Variants in PIK3R3 observed in about 807,000 individuals in gnomAD.
PIK3R3 encodes the protein phosphoinositide-3-kinase regulatory subunit 3.
A neutral mutation model predicts 62.9 loss-of-function variants in PIK3R3; 64 were observed. The ratio of observed to expected loss-of-function variants is 1.02; its 90% confidence interval spans 0.83 to 1.25. The LOEUF is 1.25. Ranked by LOEUF, PIK3R3 falls within the 50% of genes most tolerant of loss-of-function variation. The pLI, the probability that PIK3R3 is intolerant of heterozygous loss-of-function variation, is 0.00. For synonymous variants in PIK3R3, 165 were observed against 189.0 expected, an observed-to-expected ratio of 0.87 and a Z score of 1.04; for missense variants, 614 against 561.6, an observed-to-expected ratio of 1.09 and a Z score of -0.94.
At chr1:46,104,213 C>A (rs1652974244) in intron 1 of PIK3R3, among the ~76,000 whole-genome samples, 1 of 152,132 alleles carries the variant, frequency 6.6e-6, no homozygotes, top group Non-Finnish European at 1.5e-5. Context: ...CAGGCGTGAG[C>A]CACCACGCCT....
the PIK3R3 span, among the ~76,000 whole-genome samples, chr1:46,153,596 C>T: frequency 6.6e-6 from 1 of 152,222 alleles, no homozygotes; most frequent in Non-Finnish European, 1.5e-5. Context: ...ACCTGACTTC[C>T]TCCTCTCTTT....
At chr1:46,071,057 T>C (rs941719259) in intron 3 of PIK3R3, among the ~76,000 whole-genome samples, 4 of 152,318 alleles carry the variant, frequency 2.6e-5, no homozygotes, top group Non-Finnish European at 4.4e-5. Context: ...ACCAATGACT[T>C]TGAACAAATT....
intron 1 of PIK3R3, among the ~76,000 whole-genome samples, chr1:46,118,094 A>G (rs960582186): frequency 1.3e-5 from 2 of 152,208 alleles, no homozygotes; most frequent in African/African-American, 4.8e-5. Flanking sequence ...AAAAAAACCC[A>G]CACAGAAAAA....
chr1:46,145,123 CA>C, the PIK3R3 span, among the ~76,000 whole-genome samples: 1,084 of 78,556 alleles, frequency 0.014, 2 homozygotes, highest in African/African-American at 0.028. Context: ...AACTCCACCT[CA>C]AAAAAAAAAA....
At chr1:46,074,279 A>T (rs1312053033) in intron 3 of PIK3R3, among the ~76,000 whole-genome samples, 1 of 102,072 alleles carries the variant, frequency 9.8e-6, no homozygotes, top group African/African-American at 4.0e-5. Flanking sequence ...ACAGAGCTAG[A>T]CTCCGTCAAA....
rs114909183 is a variant in PIK3R3, at chr1:46,053,683, G to A, written c.941+2112C>T. 2.1e-3 allele frequency among the ~76,000 whole-genome samples: 323 copies of A among 152,164 alleles called. 1 individual carries two copies. Among genetic ancestry groups the A allele is most frequent in the Non-Finnish European group, 2.0e-3 (135 of 67,998 alleles). On this transcript the variant is annotated intron_variant, in intron 7 of 9. Transcript: ENST00000262741. ...TTGAGTTCGGACTTCCTAGCCTCTA[G>A]AACTGTGAGAAATTTCTGGTATTTA...
chr1:46,151,948 A>G, the PIK3R3 span, among the ~76,000 whole-genome samples: 2 of 152,202 alleles, frequency 1.3e-5, no homozygotes, highest in Non-Finnish European at 2.9e-5. Flanking sequence ...AGAAGAATCT[A>G]AAAGACCACC....
the PIK3R3 span, among the ~76,000 whole-genome samples, chr1:46,166,554 C>T: frequency 6.6e-6 from 1 of 152,154 alleles, no homozygotes; most frequent in Admixed American, 6.6e-5. Context: ...AACTGCAGTT[C>T]TCTTTTCTGA....
rs72677552 is a variant in PIK3R3, at chr1:46,125,447, A to G, written c.106+6400T>C. ...CAAATGTGCAGGGTTAAAAATAAAA[A>G]TTCAACCACATAAGGCTGCTTAACC... On this transcript the variant is annotated intron_variant, in intron 1 of 9. Transcript: ENST00000262741. Among the ~76,000 whole-genome samples, 1,113 of 152,292 alleles carry G rather than the reference A, an allele frequency of 7.3e-3. 12 individuals are homozygous for G. Among genetic ancestry groups the G allele is most frequent in the South Asian group, 0.035 (167 of 4,820 alleles).
intron 7 of PIK3R3, 90 bp from the exon 8 acceptor site, chr1:46,046,715 TAG>T (rs1266468239): frequency 1.2e-6 from 1 of 825,108 alleles, no homozygotes; most frequent in African/African-American, 1.7e-5. Flanking sequence ...TTCTAGAGTC[TAG>T]ACACCTCTTG....
chr1:46,163,767 C>A, the PIK3R3 span, among the ~76,000 whole-genome samples: 1 of 152,162 alleles, frequency 6.6e-6, no homozygotes, highest in South Asian at 2.1e-4. Flanking sequence ...GTCACACAGA[C>A]CTTCATTCAC....
chr1:46,042,455 G>GACTC lies in PIK3R3; in HGVS notation c.*1214_*1217dup. On this transcript the variant is annotated 3_prime_UTR_variant, in exon 10 of 10. Coordinates refer to ENST00000262741, the MANE Select transcript of PIK3R3 (RefSeq NM_003629.4). The surrounding 1 kb of genome is among the most constrained non-coding windows in gnomAD (Gnocchi z 4.3). ...TGGAAGCACATGTGTAATGTGGTGT[G>GACTC]ACTCTCACCCTGGACCACAGGGCCC... is the stretch of plus-strand genomic sequence containing the variant. 4.4e-6 allele frequency: 1 copy of GACTC among 224,976 alleles called. No individual in the cohort carries two copies. 13.9% of individuals were successfully genotyped at this position (224,976 alleles called of 1,614,324 possible). A position where few individuals can be genotyped will look rare whatever the true frequency, so the allele number is the denominator to read the frequency against.
upstream of PIK3R3, chr1:46,132,761 C>G (rs770651964): frequency 2.7e-5 from 34 of 1,280,514 alleles, no homozygotes; most frequent in Non-Finnish European, 2.8e-5. Context: ...CCGCCCCTTC[C>G]ACGCCGTCCC....
intron 3 of PIK3R3, among the ~76,000 whole-genome samples, 194 bp downstream of exon 3, chr1:46,077,321 T>G (rs1446211461): frequency 6.6e-6 from 1 of 152,220 alleles, no homozygotes; most frequent in African/African-American, 2.4e-5. Context: ...TTTTTTTAAG[T>G]TGCCATTTTT....
chr1:46,126,956 CT>C (rs1430571425), intron 1 of PIK3R3, among the ~76,000 whole-genome samples: 1 of 152,062 alleles, frequency 6.6e-6, no homozygotes, highest in African/African-American at 2.4e-5. Context: ...TTGAGAACCA[CT>C]TTTCTAGACT....
intron 5 of PIK3R3, among the ~76,000 whole-genome samples, chr1:46,064,278 C>T (rs1369170714): frequency 1.3e-5 from 2 of 151,942 alleles, no homozygotes; most frequent in Admixed American, 6.6e-5. Flanking sequence ...CGGTGGCTCA[C>T]GCCTGTAATC....
intron 1 of PIK3R3, among the ~76,000 whole-genome samples, chr1:46,114,560 A>C (rs1490279671): frequency 6.6e-6 from 1 of 152,040 alleles, no homozygotes; most frequent in Admixed American, 6.6e-5. Flanking sequence ...AGCCTACGGA[A>C]CCTACTCAAC....
intron 1 of PIK3R3, among the ~76,000 whole-genome samples, chr1:46,082,333 T>C (rs958575291): frequency 6.6e-6 from 1 of 152,162 alleles, no homozygotes; most frequent in Non-Finnish European, 1.5e-5. Context: ...TCTTCAACAA[T>C]GTACAGGTCA....
At chr1:46,090,369 T>C (rs1651507152) in intron 1 of PIK3R3, among the ~76,000 whole-genome samples, 1 of 152,134 alleles carries the variant, frequency 6.6e-6, no homozygotes, top group Non-Finnish European at 1.5e-5. Flanking sequence ...TCTCCCTCTA[T>C]TGCTCAGGAT....
Sources: allele counts gnomAD v4.1 joint callset (sites outside exome capture counted in the v4.1 genomes callset), GRCh38; gene constraint gnomAD v4.1.1; non-coding constraint Gnocchi (gnomAD v3.1); transcripts MANE v1.5; gene names NCBI Gene and HGNC (gene_info 2026-07-23, HGNC 2026-07-21).